The following GPC5 variants were observed in gnomAD, a reference collection of about 807,000 sequenced individuals.
GPC5 encodes the protein glypican-5.
A neutral mutation model predicts 53.9 loss-of-function variants in GPC5; 47 were observed. That is an observed-to-expected ratio of 0.87 (90% CI 0.69 to 1.11). The LOEUF (loss-of-function observed/expected upper bound fraction) is 1.11, where lower values mean the gene tolerates loss of function less well. GPC5 is among the 50% of genes most tolerant of loss of function. GPC5 has a pLI of 0.00. For missense variants in GPC5, 748 were observed against 713.1 expected (o/e 1.05, Z -0.56); for synonymous variants, 286 against 263.3 (o/e 1.09, Z -0.84).
chr13:91,450,752 TAG>T (rs1345509900), intron 2 of GPC5, among the ~76,000 whole-genome samples: 1 of 152,114 alleles, frequency 6.6e-6, no homozygotes, highest in South Asian at 2.1e-4. Context: ...ATAAAAAATA[TAG>T]AGACATTCTT....
chr13:92,016,561 C>T (rs2040709060), intron 6 of GPC5, among the ~76,000 whole-genome samples: 2 of 152,136 alleles, frequency 1.3e-5, no homozygotes, highest in Non-Finnish European at 2.9e-5. Flanking sequence ...CATATTTATG[C>T]ACCTTTCTGT....
At chr13:91,459,073 G>C (rs560500893) in intron 2 of GPC5, among the ~76,000 whole-genome samples, 11 of 152,040 alleles carry the variant, frequency 7.2e-5, no homozygotes, top group South Asian at 6.2e-4. Context: ...GGGTGGGAGG[G>C]GGGTGAGGGA....
At chr13:92,518,402 A>T (rs1880880062) in intron 7 of GPC5, among the ~76,000 whole-genome samples, 1 of 152,204 alleles carries the variant, frequency 6.6e-6, no homozygotes, top group Non-Finnish European at 1.5e-5. Flanking sequence ...CCACAAAGGG[A>T]ACCCCATCAG....
intron 2 of GPC5, among the ~76,000 whole-genome samples, chr13:91,515,782 TA>T (rs1885466500): frequency 1.3e-4 from 1 of 7,988 alleles, no homozygotes; most frequent in African/African-American, 1.3e-4. Flanking sequence ...CCATCTGTTT[TA>T]GTCTGTTTTC....
intron 6 of GPC5, among the ~76,000 whole-genome samples, chr13:92,004,930 CA>C (rs1226593551): frequency 6.6e-6 from 1 of 152,088 alleles, no homozygotes; most frequent in Non-Finnish European, 1.5e-5. Flanking sequence ...AGCTGCAATT[CA>C]AAATAAAATT....
At chr13:91,903,091 G>T (rs1186535097) in intron 5 of GPC5, among the ~76,000 whole-genome samples, 2 of 150,636 alleles carry the variant, frequency 1.3e-5, no homozygotes, top group Non-Finnish European at 3.0e-5. Context: ...CAGGAAACTT[G>T]ATATTATTTC....
At chr13:92,461,366 C>T (rs964591) in intron 7 of GPC5, among the ~76,000 whole-genome samples, 151,298 of 152,320 alleles carry the variant, frequency 0.99, 75,146 homozygotes, top group Middle Eastern at 1. Flanking sequence ...TTTTGTGTAG[C>T]TGAGGAAGAT....
intron 7 of GPC5, among the ~76,000 whole-genome samples, chr13:92,424,862 CCTA>C (rs1422036227): frequency 6.6e-6 from 1 of 151,832 alleles, no homozygotes; most frequent in Non-Finnish European, 1.5e-5. Flanking sequence ...TGTACTGAGT[CCTA>C]CTATATTCCA....
chr13:92,834,056 A>G (rs1566437809), intron 7 of GPC5, among the ~76,000 whole-genome samples: 1 of 152,138 alleles, frequency 6.6e-6, no homozygotes, highest in Non-Finnish European at 1.5e-5. Context: ...GGTCTGGATT[A>G]GGGTAATGGC....
chr13:92,186,124 T>C (rs1404625848), intron 7 of GPC5, among the ~76,000 whole-genome samples: 2 of 152,132 alleles, frequency 1.3e-5, no homozygotes, highest in African/African-American at 4.8e-5. Flanking sequence ...ACAGAGTTGC[T>C]GCTCAAAGTG....
At chr13:92,264,876 CTCTGTG>C (rs1159116319) in intron 7 of GPC5, among the ~76,000 whole-genome samples, 662 of 119,210 alleles carry the variant, frequency 5.6e-3, no homozygotes, top group Middle Eastern at 7.9e-3. Context: ...CTCTCTCTCT[CTCTGTG>C]TGTGTGTGTG....
At chr13:92,182,282 C>A (rs1391699318) in intron 7 of GPC5, among the ~76,000 whole-genome samples, 1 of 152,162 alleles carries the variant, frequency 6.6e-6, no homozygotes, top group Non-Finnish European at 1.5e-5. Context: ...CAGAAGCTAG[C>A]TGCCCACATC....
chr13:92,469,399 G>A (rs1365004826), intron 7 of GPC5, among the ~76,000 whole-genome samples: 1 of 152,012 alleles, frequency 6.6e-6, no homozygotes, highest in Non-Finnish European at 1.5e-5. Flanking sequence ...GATATGAGAA[G>A]TGAAAGGAAA....
chr13:91,914,045 T>C (rs923278565), intron 6 of GPC5, among the ~76,000 whole-genome samples: 1 of 152,226 alleles, frequency 6.6e-6, no homozygotes, highest in African/African-American at 2.4e-5. Context: ...CCTAGCAAAC[T>C]TACTTTGAAA....
chr13:91,990,838 C>G (rs946558504), intron 6 of GPC5, among the ~76,000 whole-genome samples: 3 of 152,150 alleles, frequency 2.0e-5, no homozygotes, highest in Non-Finnish European at 4.4e-5. Context: ...GACATAGATA[C>G]AGCTATTGCA....
intron 7 of GPC5, among the ~76,000 whole-genome samples, chr13:92,626,409 C>A (rs1885046725): frequency 6.6e-6 from 1 of 152,030 alleles, no homozygotes; most frequent in African/African-American, 2.4e-5. Context: ...GGTGAGAGGG[C>A]AAGAGGGCAC....
intron 5 of GPC5, among the ~76,000 whole-genome samples, chr13:91,759,293 T>C (rs2037360568): frequency 6.6e-6 from 1 of 152,128 alleles, no homozygotes; most frequent in African/African-American, 2.4e-5. Flanking sequence ...GATATTTTGA[T>C]ACAGGCATGC....
At chr13:91,585,044 A>G (rs184807304) in intron 2 of GPC5, among the ~76,000 whole-genome samples, 134 of 152,342 alleles carry the variant, frequency 8.8e-4, no homozygotes, top group African/African-American at 3.1e-3. Context: ...AAGTTCTTGA[A>G]CAGGCATTCT....
At chr13:91,780,582 C>A (rs1313815890) in intron 5 of GPC5, among the ~76,000 whole-genome samples, 1 of 152,114 alleles carries the variant, frequency 6.6e-6, no homozygotes, top group Non-Finnish European at 1.5e-5. Context: ...GTTTCCCCAA[C>A]AGATTGTTTG....
Sources: allele counts gnomAD v4.1 joint callset (sites outside exome capture counted in the v4.1 genomes callset), GRCh38; gene constraint gnomAD v4.1.1; transcripts MANE v1.5; gene names NCBI Gene and HGNC (gene_info 2026-07-23, HGNC 2026-07-21).